Variants in DNER observed in about 807,000 individuals in gnomAD.
The protein encoded by DNER is delta/notch like EGF repeat containing, also known as delta and Notch-like epidermal growth factor-related receptor.
In DNER, 33 loss-of-function variants were observed where a neutral mutation model predicts 78.2. The ratio of observed to expected loss-of-function variants is 0.42; its 90% confidence interval spans 0.32 to 0.56. The LOEUF is 0.56. DNER is among the 20% of genes least tolerant of loss of function. The probability of loss-of-function intolerance (pLI) is 0.11; values close to 1 mark genes in which losing one functional copy is unlikely to be tolerated. For missense variants in DNER, 918 were observed against 975.3 expected (o/e 0.94, Z 0.78); for synonymous variants, 417 against 384.8 (o/e 1.08, Z -0.98).
chr2:229,710,983 G>GCATA (rs1553555264), intron 1 of DNER, among the ~76,000 whole-genome samples: 1 of 139,810 alleles, frequency 7.2e-6, no homozygotes, highest in South Asian at 2.4e-4. Context: ...GCATACACGC[G>GCATA]CACACACACA....
intron 7 of DNER, among the ~76,000 whole-genome samples, chr2:229,464,878 G>A (rs1381727932): frequency 6.6e-6 from 1 of 152,164 alleles, no homozygotes; most frequent in East Asian, 1.9e-4. Flanking sequence ...AGCATTGGAT[G>A]TAAGGTGAAT....
chr2:229,620,947 A>C (rs1698242259), intron 1 of DNER, among the ~76,000 whole-genome samples: 1 of 152,138 alleles, frequency 6.6e-6, no homozygotes, highest in East Asian at 1.9e-4. Context: ...CTCAGGAGAA[A>C]CCAAACCTGC....
At chr2:229,610,132 A>G (rs1176923756) in intron 1 of DNER, among the ~76,000 whole-genome samples, 1 of 152,222 alleles carries the variant, frequency 6.6e-6, no homozygotes, top group Non-Finnish European at 1.5e-5. Context: ...TGACGATGGA[A>G]GATTTTCAGA....
chr2:229,648,751 C>G (rs1247050245), intron 1 of DNER, among the ~76,000 whole-genome samples: 5 of 152,188 alleles, frequency 3.3e-5, no homozygotes, highest in Non-Finnish European at 7.3e-5. Flanking sequence ...GGTAAACTTC[C>G]TCTACATATG....
chr2:229,549,147 C>T (rs1334725911), intron 4 of DNER, among the ~76,000 whole-genome samples: 2 of 152,060 alleles, frequency 1.3e-5, no homozygotes, highest in Non-Finnish European at 2.9e-5. Flanking sequence ...GAAAGAAACA[C>T]ACCAAATTCA....
chr2:229,408,618 G>A, intron 9 of DNER, among the ~76,000 whole-genome samples: 1 of 152,170 alleles, frequency 6.6e-6, no homozygotes, highest in Non-Finnish European at 1.5e-5. Flanking sequence ...TGTTGTGCAA[G>A]GGACTGCCAC....
At chr2:229,498,538 T>A (rs1250020893) in intron 6 of DNER, among the ~76,000 whole-genome samples, 1 of 152,162 alleles carries the variant, frequency 6.6e-6, no homozygotes, top group Non-Finnish European at 1.5e-5. Context: ...ACAAAAGGAC[T>A]GCTACAATTA....
chr2:229,427,402 G>A lies in DNER; in HGVS notation c.1487-9172C>T, dbSNP rs13423680. 2.6e-3 allele frequency among the ~76,000 whole-genome samples: 395 copies of A among 152,342 alleles called. 3 individuals carry two copies. The highest frequency in any genetic ancestry group is 7.3e-3 in the African/African-American group (304 of 41,574). On this transcript the variant is annotated intron_variant, in intron 8 of 12. Coordinates refer to ENST00000341772, the MANE Select transcript of DNER (RefSeq NM_139072.4). ...AATAGTTATTCAATGCCTGCTATGT[G>A]TCAGGCACTGTGCTAGTCACTGGGG...
intron 1 of DNER, among the ~76,000 whole-genome samples, chr2:229,677,629 A>C (rs1358672411): frequency 6.6e-6 from 1 of 152,052 alleles, no homozygotes; most frequent in Non-Finnish European, 1.5e-5. Flanking sequence ...ATTACAATGA[A>C]TTTTTTTTAA....
At chr2:229,631,695 T>C (rs1698435749) in intron 1 of DNER, among the ~76,000 whole-genome samples, 1 of 152,200 alleles carries the variant, frequency 6.6e-6, no homozygotes, top group Non-Finnish European at 1.5e-5. Flanking sequence ...AAGATAACAC[T>C]TCCAGTTCTT....
At chr2:229,573,915 A>C (rs968044221) in intron 4 of DNER, among the ~76,000 whole-genome samples, 1 of 152,232 alleles carries the variant, frequency 6.6e-6, no homozygotes. Context: ...GTATAAATGC[A>C]ATATTGTGAT....
intron 7 of DNER, among the ~76,000 whole-genome samples, chr2:229,460,156 CAAAAA>C (rs5839331): frequency 2.1e-4 from 18 of 85,502 alleles, no homozygotes; most frequent in African/African-American, 6.8e-4. Context: ...GACTCCGTCT[CAAAAA>C]AAAAAAAAAA....
chr2:229,598,473 C>T (rs1697764659), intron 1 of DNER, among the ~76,000 whole-genome samples: 2 of 152,240 alleles, frequency 1.3e-5, no homozygotes, highest in Non-Finnish European at 2.9e-5. Flanking sequence ...GCAGTCGGCT[C>T]ATCAATTGCT....
intron 9 of DNER, among the ~76,000 whole-genome samples, chr2:229,417,587 G>A (rs1380887182): frequency 5.9e-5 from 9 of 152,058 alleles, no homozygotes; most frequent in Non-Finnish European, 2.9e-5. Flanking sequence ...GGTTCTCGGG[G>A]GGATTTAGTG....
intron 5 of DNER, among the ~76,000 whole-genome samples, chr2:229,529,486 A>G (rs1389695537): frequency 2.6e-5 from 4 of 152,206 alleles, no homozygotes; most frequent in Admixed American, 6.5e-5. Context: ...TGGTGCTTTC[A>G]TGACATATAT....
At chr2:229,564,271 C>T (rs1697049390) in intron 4 of DNER, among the ~76,000 whole-genome samples, 1 of 149,614 alleles carries the variant, frequency 6.7e-6, no homozygotes, top group Non-Finnish European at 1.5e-5. Flanking sequence ...TCATCATCAT[C>T]CTCCTCACCC....
chr2:229,478,240 A>T (rs908355653), intron 6 of DNER, among the ~76,000 whole-genome samples: 13 of 68,206 alleles, frequency 1.9e-4, no homozygotes, highest in African/African-American at 1.6e-3. Context: ...ATAGTGTAAC[A>T]CTTTATTTCT....
In DNER at chr2:229,604,783, CTT is replaced by C. The variant is rs550402329; in HGVS notation, c.277-12897_277-12896del. Among the ~76,000 whole-genome samples the C allele has an allele frequency of 4.1e-3, 627 of 152,284 alleles. 4 individuals carry two copies. Among genetic ancestry groups the C allele is most frequent in the African/African-American group, 0.014 (591 of 41,556 alleles). ...GTGGCTCTGCAGATAACTCTAAAGT[CTT>C]TGGGTATCCAACTTCATTTATCTGG... is the stretch of plus-strand genomic sequence containing the variant. On this transcript the variant is annotated intron_variant, in intron 1 of 12. Transcript: ENST00000341772.
chr2:229,604,424 G>A (rs1480817054), intron 1 of DNER, among the ~76,000 whole-genome samples: 2 of 152,250 alleles, frequency 1.3e-5, no homozygotes, highest in Admixed American at 6.5e-5. Context: ...TCCCTACCAG[G>A]AAGAGTGTTC....
Sources: gnomAD v4.1 joint callset for allele counts (sites outside exome capture counted in the v4.1 genomes callset) on GRCh38, gnomAD v4.1.1 for gene constraint, MANE v1.5 for transcripts, NCBI Gene and HGNC (gene_info 2026-07-23, HGNC 2026-07-21) for gene names.